Variants in GPC6 observed in about 807,000 individuals in gnomAD.
GPC6 encodes glypican-6.
A neutral mutation model predicts 55.2 loss-of-function variants in GPC6; 14 were observed. The observed-to-expected ratio is 0.25, with a 90% CI of 0.17 to 0.40. The LOEUF (loss-of-function observed/expected upper bound fraction) is 0.40. Among genes scored for constraint, GPC6 ranks in the 10% least tolerant of loss-of-function variants. The pLI is 1.00. For missense variants in GPC6, 641 were observed against 708.5 expected, an observed-to-expected ratio of 0.90 and a Z score of 1.08; for synonymous variants, 278 against 259.6, an observed-to-expected ratio of 1.07 and a Z score of -0.68.
chr13:93,673,375 A>C (rs1881446407), intron 2 of GPC6, among the ~76,000 whole-genome samples: 1 of 152,168 alleles, frequency 6.6e-6, no homozygotes, highest in African/African-American at 2.4e-5. Flanking sequence ...AAAAGGTTTA[A>C]ATTCTGGCCA....
At chr13:93,792,873 C>T (rs950501756) in intron 2 of GPC6, among the ~76,000 whole-genome samples, 2 of 152,146 alleles carry the variant, frequency 1.3e-5, no homozygotes, top group South Asian at 4.1e-4. Flanking sequence ...ACATATGCCC[C>T]ACATAAGAAA....
In GPC6 at chr13:94,369,940, AG is replaced by A. The variant is rs1393459805; in HGVS notation, c.1153-12473del. Among the ~76,000 whole-genome samples, 10 of 152,342 alleles carry A rather than the reference AG, an allele frequency of 6.6e-5. No homozygotes were observed. In the East Asian group the frequency reaches 1.5e-3, roughly 24 times the overall value. On this transcript the variant is annotated intron_variant, in intron 6 of 8. Transcript: ENST00000377047. ...ATCTTACTTCCCTTAGCAGATCATC[AG>A]CAATGCTGTTCGTGTATTTATTCAT... is the stretch of plus-strand genomic sequence containing the variant.
chr13:94,083,362 C>T lies in GPC6; in HGVS notation c.877+55468C>T, dbSNP rs369552470. On this transcript the variant is annotated intron_variant, in intron 4 of 8. Transcript: ENST00000377047. Reference sequence around the variant, plus strand: ...CTCGATCTCCTGACCTTGTGATGCGCCCACCTTGGCCTCCCAAAGTGCTGG... The same window carrying T: ...CTCGATCTCCTGACCTTGTGATGCGTCCACCTTGGCCTCCCAAAGTGCTGG... Among the ~76,000 whole-genome samples the T allele has an allele frequency of 1.8e-3, 276 of 152,310 alleles. 1 individual carries two copies. The highest frequency in any genetic ancestry group is 0.013 in the East Asian group (69 of 5,180).
intron 1 of GPC6, among the ~76,000 whole-genome samples, chr13:93,376,358 A>G (rs1275964236): frequency 6.6e-6 from 1 of 152,190 alleles, no homozygotes; most frequent in African/African-American, 2.4e-5. Context: ...ACACAGTACT[A>G]GATATCGAAA....
intron 1 of GPC6, among the ~76,000 whole-genome samples, chr13:93,272,519 T>TATATATATATATATAA (rs1009350440): frequency 6.9e-6 from 1 of 144,710 alleles, no homozygotes; most frequent in African/African-American, 2.6e-5. Flanking sequence ...TATATATATA[T>TATATATATATATATAA]AACTTAGAAA....
Position 94,406,481 on chromosome 13 carries a change from T to C in GPC6, c.*3264T>C, listed in dbSNP as rs953848800. On this transcript the variant is annotated 3_prime_UTR_variant, in exon 9 of 9. Coordinates refer to ENST00000377047, the MANE Select transcript of GPC6 (RefSeq NM_005708.5). ...TCTCCCTTACAATGACTTACCTAGC[T>C]AGCATCAAGTAACTTGTATCACCTG... 6.6e-6 allele frequency: 1 copy of C among 152,158 alleles called. No homozygotes were observed. Among genetic ancestry groups the C allele is most frequent in the Non-Finnish European group, 1.5e-5 (1 of 67,974 alleles). 9.4% of individuals were successfully genotyped at this position (152,158 alleles called of 1,614,324 possible).
intron 1 of GPC6, among the ~76,000 whole-genome samples, chr13:93,460,175 GAACT>G (rs1432923092): frequency 6.6e-6 from 1 of 152,172 alleles, no homozygotes; most frequent in East Asian, 1.9e-4. Flanking sequence ...TTCTGGTTAT[GAACT>G]GTTGTCACTG....
intron 3 of GPC6, among the ~76,000 whole-genome samples, chr13:94,019,445 G>A (rs530932716): frequency 7.6e-4 from 116 of 152,262 alleles, no homozygotes; most frequent in African/African-American, 2.6e-3. Flanking sequence ...CCAAGAAGTC[G>A]GAACTCAGGT....
chr13:93,290,190 A>G (rs1212796884), intron 1 of GPC6, among the ~76,000 whole-genome samples: 4 of 152,240 alleles, frequency 2.6e-5, no homozygotes, highest in South Asian at 4.1e-4. Flanking sequence ...GCTTGCCCCA[A>G]TAAAGAATGT....
chr13:93,723,740 T>C (rs1713385601), intron 2 of GPC6, among the ~76,000 whole-genome samples: 1 of 152,022 alleles, frequency 6.6e-6, no homozygotes, highest in Admixed American at 6.6e-5. Context: ...CCAACCAGAT[T>C]TCACAATTTT....
At chr13:94,296,815 T>G (rs191331779) in intron 5 of GPC6, among the ~76,000 whole-genome samples, 159 of 152,316 alleles carry the variant, frequency 1.0e-3, no homozygotes, top group Non-Finnish European at 2.0e-3. Context: ...CATTTCCTCC[T>G]TATAGATACG....
At chr13:93,465,298 T>G (rs1878864068) in intron 1 of GPC6, among the ~76,000 whole-genome samples, 1 of 152,194 alleles carries the variant, frequency 6.6e-6, no homozygotes, top group Non-Finnish European at 1.5e-5. Flanking sequence ...TATTTTCTCC[T>G]TTTTAGCTAT....
chr13:93,423,307 C>G (rs1251970300), intron 1 of GPC6, among the ~76,000 whole-genome samples: 2 of 152,132 alleles, frequency 1.3e-5, no homozygotes, highest in African/African-American at 2.4e-5. Flanking sequence ...AACATGTTCT[C>G]TAAGCAGGAC....
intron 3 of GPC6, among the ~76,000 whole-genome samples, chr13:94,005,324 C>T (rs941105677): frequency 4.6e-5 from 7 of 152,080 alleles, no homozygotes; most frequent in African/African-American, 1.7e-4. Flanking sequence ...CATAGTTTTC[C>T]AGGCCTCCAC....
intron 2 of GPC6, among the ~76,000 whole-genome samples, chr13:93,690,322 T>TG (rs1405219005): frequency 1.3e-5 from 2 of 151,918 alleles, no homozygotes; most frequent in African/African-American, 4.8e-5. Flanking sequence ...GAGGACAAGG[T>TG]GGGGTCCAAA....
intron 2 of GPC6, among the ~76,000 whole-genome samples, chr13:93,716,595 A>C (rs1162132978): frequency 6.6e-6 from 1 of 151,692 alleles, no homozygotes; most frequent in Non-Finnish European, 1.5e-5. Flanking sequence ...TTTGTGTTTT[A>C]AGTAAAGTGA....
intron 1 of GPC6, among the ~76,000 whole-genome samples, chr13:93,379,468 A>G (rs1875064707): frequency 6.6e-6 from 1 of 152,216 alleles, no homozygotes; most frequent in Non-Finnish European, 1.5e-5. Context: ...CAATAGATTC[A>G]TGTAGATTTC....
intron 3 of GPC6, among the ~76,000 whole-genome samples, chr13:93,995,776 TA>T (rs1881519751): frequency 1.3e-5 from 2 of 152,308 alleles, no homozygotes; most frequent in South Asian, 4.1e-4. Context: ...ATAAACCTCA[TA>T]AAAATTACCT....
At chr13:94,040,486 T>C (rs1198714936) in intron 4 of GPC6, among the ~76,000 whole-genome samples, 1 of 151,830 alleles carries the variant, frequency 6.6e-6, no homozygotes, top group Admixed American at 6.6e-5. Flanking sequence ...GTATAAATAA[T>C]TTCCCCAAGC....
Sources: gnomAD v4.1 joint callset for allele counts (sites outside exome capture counted in the v4.1 genomes callset) on GRCh38, gnomAD v4.1.1 for gene constraint, MANE v1.5 for transcripts, NCBI Gene and HGNC (gene_info 2026-07-23, HGNC 2026-07-21) for gene names.